DLGAP2: variants seen among roughly 807,000 people sequenced by gnomAD.
DLGAP2 encodes disks large-associated protein 2.
In DLGAP2, 26 loss-of-function variants were observed where a neutral mutation model predicts 100.3. That is an observed-to-expected ratio of 0.26 (90% CI 0.19 to 0.36). The LOEUF (loss-of-function observed/expected upper bound fraction) is 0.36. DLGAP2 is among the 10% of genes least tolerant of loss of function. The pLI is 1.00. For synonymous variants in DLGAP2, 886 were observed against 630.1 expected (o/e 1.41, Z -6.08); for missense variants, 1,858 against 1,453.2 (o/e 1.28, Z -4.53).
At chr8:1,450,972 G>C (rs186538257) in intron 3 of DLGAP2, among the ~76,000 whole-genome samples, 1 of 152,042 alleles carries the variant, frequency 6.6e-6, no homozygotes, top group Non-Finnish European at 1.5e-5. Flanking sequence ...ATCATACCTC[G>C]TAAGGGCGCC....
intron 6 of DLGAP2, among the ~76,000 whole-genome samples, chr8:1,584,774 C>T (rs369507411): frequency 6.6e-6 from 1 of 152,126 alleles, no homozygotes; most frequent in African/African-American, 2.4e-5. Context: ...CAACAGGCAG[C>T]CATGAAGAAG....
chr8:1,605,943 C>T (rs1423474938), intron 6 of DLGAP2, among the ~76,000 whole-genome samples: 1 of 152,212 alleles, frequency 6.6e-6, no homozygotes, highest in African/African-American at 2.4e-5. Flanking sequence ...GAACGTGTCA[C>T]CTCTGAGTGA....
intron 2 of DLGAP2, among the ~76,000 whole-genome samples, chr8:988,673 G>T (rs1800558557): frequency 6.6e-6 from 1 of 152,126 alleles, no homozygotes; most frequent in South Asian, 2.1e-4. Context: ...ATTTGCCGTG[G>T]CTCTGACCTT....
intron 2 of DLGAP2, among the ~76,000 whole-genome samples, chr8:1,020,818 G>C (rs764596715): frequency 6.6e-6 from 1 of 152,138 alleles, no homozygotes; most frequent in Non-Finnish European, 1.5e-5. Flanking sequence ...CAGGCTTTAC[G>C]GCTCCAGAGA....
intron 2 of DLGAP2, among the ~76,000 whole-genome samples, chr8:980,385 G>T: frequency 6.6e-6 from 1 of 152,178 alleles, no homozygotes; most frequent in East Asian, 1.9e-4. Context: ...AGTGCGTAGG[G>T]ATAGACCTTC....
At position 1,245,136 on chromosome 8, in the gene DLGAP2, C is replaced by T. The variant is rs988589908; in HGVS notation, c.74-13715C>T. Among the ~76,000 whole-genome samples, 14 of 152,190 alleles carry T rather than the reference C, an allele frequency of 9.2e-5. 1 individual carries two copies. The highest frequency in any genetic ancestry group is 7.9e-4 in the Admixed American group (12 of 15,282). The stretch of plus-strand genomic sequence containing the variant: ...CTGGAGAAACTGGAACCTTCATACA[C>T]GACCTTTGGGAATAGAAAATCATGC... On this transcript the variant is annotated intron_variant, in intron 2 of 14. Coordinates refer to ENST00000637795, the MANE Select transcript of DLGAP2 (RefSeq NM_001346810.2).
At chr8:863,428 C>G (rs1439374128) in intron 1 of DLGAP2, among the ~76,000 whole-genome samples, 1 of 152,250 alleles carries the variant, frequency 6.6e-6, no homozygotes. Context: ...ATTCTCATTT[C>G]TGTGTAAACA....
intron 2 of DLGAP2, among the ~76,000 whole-genome samples, chr8:1,256,612 G>A (rs1490737383): frequency 6.6e-6 from 1 of 152,120 alleles, no homozygotes; most frequent in Non-Finnish European, 1.5e-5. Context: ...CTGTGTGTGC[G>A]CACAGGGACA....
intron 3 of DLGAP2, among the ~76,000 whole-genome samples, chr8:1,344,158 G>GGTCCGTGTACTCGGGGCCCTGTCGTGA (rs1801497671): frequency 2.7e-5 from 1 of 36,958 alleles, no homozygotes; most frequent in Admixed American, 3.5e-4. Flanking sequence ...CCCTGTCGTG[G>GGTCCGTGTACTCGGGGCCCTGTCGTGA]GTCTTTGTAC....
intron 3 of DLGAP2, among the ~76,000 whole-genome samples, chr8:1,442,487 C>G (rs555894816): frequency 6.8e-6 from 1 of 146,270 alleles, no homozygotes; most frequent in East Asian, 2.1e-4. Context: ...GGTTCAGCCA[C>G]TGGGGGAGAC....
chr8:1,178,905 T>C (rs953027059), intron 2 of DLGAP2, among the ~76,000 whole-genome samples: 43 of 152,246 alleles, frequency 2.8e-4, no homozygotes, highest in African/African-American at 1.0e-3. Context: ...CCCCACACCA[T>C]TGCCCCTTCA....
At chr8:1,438,053 G>C (rs1797702520) in intron 3 of DLGAP2, among the ~76,000 whole-genome samples, 1 of 152,078 alleles carries the variant, frequency 6.6e-6, no homozygotes, top group Non-Finnish European at 1.5e-5. Flanking sequence ...ATTTGGTATA[G>C]AGGATTTCTC....
chr8:1,295,712 C>T (rs1800157060), intron 3 of DLGAP2, among the ~76,000 whole-genome samples: 1 of 152,216 alleles, frequency 6.6e-6, no homozygotes, highest in South Asian at 2.1e-4. Context: ...CTCCGGGCCC[C>T]AGTCTCTCTG....
intron 2 of DLGAP2, among the ~76,000 whole-genome samples, chr8:1,171,813 C>G (rs1249797589): frequency 5.9e-5 from 9 of 152,136 alleles, no homozygotes; most frequent in Admixed American, 4.6e-4. Flanking sequence ...ATATAACACA[C>G]TGATGGGTCT....
At chr8:767,381 C>T (rs1374025556) in intron 1 of DLGAP2, among the ~76,000 whole-genome samples, 6 of 114,812 alleles carry the variant, frequency 5.2e-5, no homozygotes, top group African/African-American at 9.8e-5. Context: ...GACAGAGTTT[C>T]GGTCTGTCGC....
intron 2 of DLGAP2, among the ~76,000 whole-genome samples, chr8:1,121,888 A>G (rs955951090): frequency 3.9e-5 from 6 of 152,220 alleles, no homozygotes; most frequent in Non-Finnish European, 8.8e-5. Flanking sequence ...TTTAGCATCC[A>G]TGAGCATCTG....
intron 2 of DLGAP2, among the ~76,000 whole-genome samples, chr8:1,092,115 C>T (rs1415084286): frequency 1.3e-5 from 2 of 152,152 alleles, no homozygotes; most frequent in African/African-American, 2.4e-5. Flanking sequence ...TGGGAGCGGC[C>T]GGTGTCTGCC....
intron 3 of DLGAP2, among the ~76,000 whole-genome samples, chr8:1,285,862 T>C (rs921065811): frequency 6.6e-6 from 1 of 152,080 alleles, no homozygotes; most frequent in Non-Finnish European, 1.5e-5. Flanking sequence ...CCACCAATCC[T>C]TGCAAGGATT....
At chr8:753,071 C>T (rs148415794) in intron 1 of DLGAP2, among the ~76,000 whole-genome samples, 842 of 152,294 alleles carry the variant, frequency 5.5e-3, no homozygotes, top group African/African-American at 0.02. Flanking sequence ...GCAAGTGTTA[C>T]CATGTGTCTT....
Sources: gnomAD v4.1 joint callset for allele counts (sites outside exome capture counted in the v4.1 genomes callset) on GRCh38, gnomAD v4.1.1 for gene constraint, MANE v1.5 for transcripts, NCBI Gene and HGNC (gene_info 2026-07-23, HGNC 2026-07-21) for gene names.